CCSER2: variants seen among roughly 807,000 people sequenced by gnomAD.
CCSER2 encodes the protein coiled-coil serine rich protein 2, also known as serine-rich coiled-coil domain-containing protein 2.
Under a neutral mutation model 92.3 loss-of-function variants are expected in CCSER2, and 46 were observed. The ratio of observed to expected loss-of-function variants is 0.50; its 90% CI spans 0.39 to 0.64. The LOEUF is 0.64. Ranked by LOEUF, CCSER2 falls within the 30% of genes least tolerant of loss-of-function variation. CCSER2 has a pLI of 0.00. For synonymous variants in CCSER2, 433 were observed against 431.4 expected (o/e 1.00, Z -0.04); for missense variants, 1,244 against 1,238.9 (o/e 1.00, Z -0.06).
intron 4 of CCSER2, among the ~76,000 whole-genome samples, chr10:84,421,988 T>C (rs1843175725): frequency 6.6e-6 from 1 of 152,258 alleles, no homozygotes; most frequent in Admixed American, 6.5e-5. Context: ...CCAGGTATGG[T>C]GCAGAACCCC....
At chr10:84,498,570 G>T (rs538675061) in intron 9 of CCSER2, among the ~76,000 whole-genome samples, 1 of 151,920 alleles carries the variant, frequency 6.6e-6, no homozygotes, top group Non-Finnish European at 1.5e-5. Flanking sequence ...ATGTTGATAC[G>T]GAAAGTGAGA....
chr10:84,391,595 A>G lies in CCSER2; in HGVS notation c.1614+17780A>G, dbSNP rs1354977633. 2.5e-5 allele frequency: 38 copies of G among 1,518,402 alleles called. No homozygotes were observed. In the East Asian group the frequency reaches 8.1e-4, roughly 32 times the overall value. The allele number at this position is 1,518,402 out of a possible 1,614,324, so 94.1% of individuals were successfully genotyped here. A position where few individuals can be genotyped will look rare whatever the true frequency, so the allele number is the denominator to read the frequency against. On this transcript the variant is annotated intron_variant, in intron 3 of 9. Coordinates refer to ENST00000372088, the MANE Select transcript of CCSER2 (RefSeq NM_001284240.2). The stretch of plus-strand genomic sequence containing the variant: ...TGGAGAAATCTCCATTCAAATGGAT[A>G]TAGAGATGCAGCCTTATATTCCTAT...
intron 7 of CCSER2, among the ~76,000 whole-genome samples, chr10:84,466,812 C>T (rs1301392832): frequency 6.6e-6 from 1 of 152,072 alleles, no homozygotes; most frequent in Non-Finnish European, 1.5e-5. Flanking sequence ...CGCGCCCGGC[C>T]TCCTTCTTGC....
intron 8 of CCSER2, among the ~76,000 whole-genome samples, chr10:84,475,280 C>T (rs1847072038): frequency 1.3e-5 from 2 of 151,980 alleles, no homozygotes; most frequent in African/African-American, 4.8e-5. Context: ...AAATGTGGGA[C>T]CAAATAGAAG....
intron 9 of CCSER2, among the ~76,000 whole-genome samples, chr10:84,494,984 T>C (rs540751128): frequency 4.6e-4 from 59 of 127,022 alleles, no homozygotes; most frequent in Non-Finnish European, 9.7e-4. Context: ...CTGCTTTTTT[T>C]TTTTTTTCTT....
chr10:84,426,696 G>T (rs1255107127), intron 5 of CCSER2, among the ~76,000 whole-genome samples: 1 of 152,114 alleles, frequency 6.6e-6, no homozygotes, highest in Non-Finnish European at 1.5e-5. Context: ...AGTACAATTG[G>T]TTTAAAGAAA....
chr10:84,409,693 G>T (rs1842551431), intron 3 of CCSER2, among the ~76,000 whole-genome samples: 1 of 151,866 alleles, frequency 6.6e-6, no homozygotes, highest in Non-Finnish European at 1.5e-5. Context: ...TATGTTTGTT[G>T]TCTTGATTTT....
At chr10:84,416,756 G>A (rs1334840526) in intron 3 of CCSER2, among the ~76,000 whole-genome samples, 5 of 151,946 alleles carry the variant, frequency 3.3e-5, no homozygotes, top group Admixed American at 6.5e-5. Flanking sequence ...GTGAAACCCC[G>A]TCTCTACCAA....
rs879479939 is a variant in CCSER2 at position 84,335,226 on chromosome 10, C to CTTTTTTTT, written c.-40+6419_-40+6420insTTTTTTTT. Among the ~76,000 whole-genome samples the CTTTTTTTT allele has an allele frequency of 2.2e-3, 205 of 95,016 alleles. 13 individuals carry two copies. Among genetic ancestry groups the CTTTTTTTT allele is most frequent in the Non-Finnish European group, 3.3e-3 (150 of 45,762 alleles). 62.3% of individuals were successfully genotyped at this position (95,016 alleles called of 152,430 possible). On this transcript the variant is annotated intron_variant, in intron 1 of 9. Coordinates refer to ENST00000372088, the MANE Select transcript of CCSER2 (RefSeq NM_001284240.2). ...TCCCCAGCATTCTACTTCTCTCTCT[C>CTTTTTTTT]TCTTTTTTTTTTTTTTTTTTTTTTT...
intron 3 of CCSER2, among the ~76,000 whole-genome samples, chr10:84,397,459 C>T (rs1361733516): frequency 2.0e-5 from 3 of 152,106 alleles, no homozygotes; most frequent in Admixed American, 6.5e-5. Context: ...GAAAATTGAA[C>T]CTAAAATAAG....
chr10:84,329,069 C>T (rs898471344), intron 1 of CCSER2, among the ~76,000 whole-genome samples: 2 of 152,044 alleles, frequency 1.3e-5, no homozygotes, highest in Non-Finnish European at 2.9e-5. Flanking sequence ...GCCGCGGGCG[C>T]CGCCGCCTTT....
At chr10:84,480,825 A>T (rs1847414570) in intron 9 of CCSER2, among the ~76,000 whole-genome samples, 1 of 152,056 alleles carries the variant, frequency 6.6e-6, no homozygotes, top group Non-Finnish European at 1.5e-5. Context: ...TTTAGATGGG[A>T]TTATGTTGTA....
intron 9 of CCSER2, 138 bp from the exon 10 acceptor site, chr10:84,513,310 AT>A: frequency 4.4e-6 from 3 of 680,506 alleles, no homozygotes; most frequent in Non-Finnish European, 2.4e-6. Context: ...ATTGCAGTTC[AT>A]TTTTTAATTA....
intron 1 of CCSER2, among the ~76,000 whole-genome samples, chr10:84,341,672 C>A (rs1045853556): frequency 7.2e-5 from 11 of 151,986 alleles, no homozygotes; most frequent in Admixed American, 2.0e-4. Context: ...TGGCGCCATC[C>A]CCCCCACCAC....
chr10:84,501,834 A>AAAAATATATATAT (rs1167460274), intron 9 of CCSER2, among the ~76,000 whole-genome samples: 2 of 40,174 alleles, frequency 5.0e-5, no homozygotes, highest in African/African-American at 9.4e-5. Flanking sequence ...AAAAAAAAAA[A>AAAAATATATATAT]ATATATATAT....
chr10:84,343,225 A>G (rs934977583), intron 1 of CCSER2, among the ~76,000 whole-genome samples: 7 of 152,142 alleles, frequency 4.6e-5, no homozygotes, highest in African/African-American at 1.7e-4. Context: ...TTGTTCATGT[A>G]GTCAGCTAAT....
Position 84,372,041 on chromosome 10 carries a change from T to A in CCSER2, c.989T>A (p.Phe330Tyr). ...CTACTGAAATCTAGCCGATCTCCAT[T>A]TTCTGGGACTATGACAGTTGATGGA... ...PSLLKSSRSP[F>Y]SGTMTVDGNK... Residue 330 changes from phenylalanine to tyrosine, a missense_variant, in exon 2 of 10, where the codon TTT becomes TAT. By Grantham distance (22) the Phe-to-Tyr change is conservative. Transcript: ENST00000372088. 1 of 1,613,910 alleles carries A rather than the reference T, an allele frequency of 6.2e-7. No individual in the cohort carries two copies. Among genetic ancestry groups the A allele is most frequent in the Non-Finnish European group, 8.5e-7 (1 of 1,179,868 alleles).
At chr10:84,376,896 T>G (rs965374722) in intron 3 of CCSER2, among the ~76,000 whole-genome samples, 1 of 152,142 alleles carries the variant, frequency 6.6e-6, no homozygotes, top group African/African-American at 2.4e-5. Context: ...TATAGTAGTA[T>G]TGCATTGAGA....
chr10:84,386,462 A>G (rs2133236058), intron 3 of CCSER2, among the ~76,000 whole-genome samples: 1 of 152,356 alleles, frequency 6.6e-6, no homozygotes, highest in African/African-American at 2.4e-5. Context: ...CATGCCTGTA[A>G]TCCCAGCAGT....
Sources: gnomAD v4.1 joint callset for allele counts (sites outside exome capture counted in the v4.1 genomes callset) on GRCh38, gnomAD v4.1.1 for gene constraint, MANE v1.5 for transcripts, NCBI Gene and HGNC (gene_info 2026-07-23, HGNC 2026-07-21) for gene names.